The following TTN variants were observed in gnomAD, a reference collection of about 807,000 sequenced individuals.
TTN encodes the protein connectin.
In TTN, 1,525 loss-of-function variants were observed where a neutral mutation model predicts 3,223.0. That is an observed-to-expected ratio of 0.47 (90% CI 0.45 to 0.49). The LOEUF is 0.49. Among genes scored for constraint, TTN ranks in the 20% least tolerant of loss-of-function variants. TTN has a pLI of 0.00. For missense variants in TTN, 40,786 were observed against 43,424.0 expected (o/e 0.94, Z 5.40); for synonymous variants, 14,094 against 15,161.0 (o/e 0.93, Z 5.17).
Position 178,585,081 on chromosome 2 carries a change from C to A in TTN, c.64663G>T (p.Val21555Leu). The A allele has an allele frequency of 6.2e-7, 1 of 1,605,260 alleles. No individual in the cohort carries two copies. The highest frequency in any genetic ancestry group is 8.5e-7 in the Non-Finnish European group (1 of 1,175,658). The change falls in exon 309 of 363, where the codon GTA (valine) becomes TTA (leucine). Residue 21555 changes from valine to leucine, a missense_variant. Transcript: ENST00000589042. Reference sequence around the variant, plus strand: ...CTAATACTTAACTTACCCATGACTACAACTTTGATTTTCTGAGTGTCTGTC... The same window carrying A: ...CTAATACTTAACTTACCCATGACTAAAACTTTGATTTTCTGAGTGTCTGTC... The part of the protein sequence containing the change: ...SGTDTQKIKV[V>L]VMDAPGPPQP...
At position 178,783,748 on chromosome 2, in the gene TTN, A is replaced by G. The variant is rs1467953853; in HGVS notation, c.2813T>C (p.Ile938Thr). Residue 938 changes from isoleucine (I) to threonine (T), a missense_variant, in exon 17 of 363, where the codon ATT (isoleucine) becomes ACT (threonine). Ile to Thr is a moderately conservative substitution (Grantham distance 89). Transcript: ENST00000589042. ...GACCAAAGTTGGTGGAGTAACAGGA[A>G]TTTCAACAGGTGCTGGTACTCTTGC... is the stretch of plus-strand genomic sequence containing the variant. ...ETARVPAPVE[I>T]PVTPPTLVSG... 3 of 1,613,748 alleles carry G rather than the reference A, an allele frequency of 1.9e-6. No homozygotes were observed. Among genetic ancestry groups the G allele is most frequent in the Non-Finnish European group, 2.5e-6 (3 of 1,179,816 alleles).
In TTN at chr2:178,557,422, G is replaced by C. The variant is rs762015851; in HGVS notation, c.87840C>G (p.Asn29280Lys). 3 of 1,613,900 alleles carry C rather than the reference G, an allele frequency of 1.9e-6. No homozygotes were observed. The highest frequency in any genetic ancestry group is 2.7e-5 in the African/African-American group (2 of 75,040). Residue 29280 changes from asparagine (N) to lysine (K), a missense_variant, in exon 329 of 363, where the codon AAC (asparagine) becomes AAG (lysine). By Grantham distance (94) the Asn-to-Lys change is moderately conservative (BLOSUM62 0). Transcript: ENST00000589042. ...VGYHLEMKDR[N>K]SILWQKANKL... ...TGTTGGCTTTTTGCCATAAAATACT[G>C]TTTCTGTCTTTCATTTCCAGGTGAT...
chr2:178,554,991 C>T lies in TTN; in HGVS notation c.88468G>A (p.Glu29490Lys), dbSNP rs1466195239. Reference sequence around the variant, plus strand: ...ATAGATGCGAGGTCCGTGGTATTTTCAACACACACCAGTGCATTGGTTTGT... The same window carrying T: ...ATAGATGCGAGGTCCGTGGTATTTTTAACACACACCAGTGCATTGGTTTGT... ...ELQTNALVCV[E>K]NTTDLASILI... Residue 29490 changes from glutamate to lysine, a missense_variant, in exon 331 of 363, where the codon GAA becomes AAA. Transcript: ENST00000589042. The T allele has an allele frequency of 1.9e-6, 3 of 1,613,654 alleles. No individual in the cohort carries two copies. Among genetic ancestry groups the T allele is most frequent in the South Asian group, 2.2e-5 (2 of 91,068 alleles).
In TTN at chr2:178,720,217, C is replaced by T; in HGVS notation, c.23425G>A (p.Gly7809Arg). Residue 7809 changes from glycine (G) to arginine (R), a missense_variant, in exon 81 of 363, where the codon GGG (glycine) becomes AGG (arginine). By Grantham distance (125) the Gly-to-Arg change is moderately radical. Transcript: ENST00000589042. ...KKLSDTSTLI[G>R]DAVELRAIVE... ...ATGGCCCGTAACTCAACAGCATCCCCAATAAGGGTTGAGGTGTCACTTAGC... is the reference window on the plus strand; with the variant it reads ...ATGGCCCGTAACTCAACAGCATCCCTAATAAGGGTTGAGGTGTCACTTAGC... 6.2e-7 allele frequency: 1 copy of T among 1,613,644 alleles called. No individual in the cohort carries two copies. The highest frequency in any genetic ancestry group is 1.1e-5 in the South Asian group (1 of 91,046).
intron 43 of TTN, among the ~76,000 whole-genome samples, chr2:178,762,638 A>G (rs10803918): frequency 0.97 from 148,470 of 152,322 alleles, 72,488 homozygotes; most frequent in East Asian, 1. Context: ...TGTAGCTTTA[A>G]TGAACTTGCT....
In TTN at chr2:178,729,217, C is replaced by T. The variant is rs773584349; in HGVS notation, c.18869-48G>A. 23 of 1,549,818 alleles carry T rather than the reference C, an allele frequency of 1.5e-5. No individual in the cohort carries two copies. In the East Asian group the frequency reaches 3.8e-4, roughly 26 times the overall value. On this transcript the variant is annotated intron_variant, in intron 64 of 362. Coordinates refer to ENST00000589042, the MANE Select transcript of TTN (RefSeq NM_001267550.2). Reference sequence around the variant, plus strand: ...GAAAAGAAGAAACATATTGTAACTCCTACCCATAATGATAAGATTTAAAAG... The same window carrying T: ...GAAAAGAAGAAACATATTGTAACTCTTACCCATAATGATAAGATTTAAAAG...
rs866406896 is a variant in TTN, at chr2:178,785,857, T to C, written c.2361A>G (p.Ile787Met). Reference sequence around the variant, plus strand: ...GCAGGTATAGACTCACCTGTGATGATATGTGCATTCCCTTTTGATCAGTAG... The same window carrying C: ...GCAGGTATAGACTCACCTGTGATGACATGTGCATTCCCTTTTGATCAGTAG... ...IKTTDQKGMH[I>M]SSQIKKTTDL... The change falls in exon 14 of 363, where the codon ATA (isoleucine) becomes ATG (methionine). Residue 787 changes from isoleucine to methionine, a missense_variant. By Grantham distance (10) the Ile-to-Met change is conservative (BLOSUM62 1). Transcript: ENST00000589042. The C allele has an allele frequency of 6.2e-7, 1 of 1,614,122 alleles. No individual in the cohort carries two copies. Among genetic ancestry groups the C allele is most frequent in the Non-Finnish European group, 8.5e-7 (1 of 1,179,998 alleles).
At chr2:178,744,110 T>G (rs554214228) in intron 47 of TTN, among the ~76,000 whole-genome samples, 2 of 152,038 alleles carry the variant, frequency 1.3e-5, no homozygotes, top group South Asian at 4.1e-4. Flanking sequence ...CTTTTGAAAA[T>G]TAAATTTAAA....
At position 178,633,929 on chromosome 2, in the gene TTN, A is replaced by C. The variant is rs751365572; in HGVS notation, c.42570T>G (p.Ser14190=). Residue 14190 remains serine (S), a synonymous_variant, in exon 231 of 363, where the codon TCT becomes TCG. Coordinates refer to ENST00000589042, the MANE Select transcript of TTN (RefSeq NM_001267550.2). ...KLHTSRTVLI[S]SEGKTHKLEM... ...CCAATTTGTGAGTCTTGCCCTCAGA[A>C]GAGATGAGTACTGTTCTGCTTGTAT... The C allele has an allele frequency of 6.2e-7, 1 of 1,613,424 alleles. No homozygotes were observed. The highest frequency in any genetic ancestry group is 1.7e-5 in the Admixed American group (1 of 59,986).
chr2:178,753,310 CA>C (rs2086083213), intron 46 of TTN, 130 bp from the exon 47 acceptor site: 1 of 675,928 alleles, frequency 1.5e-6, no homozygotes. Context: ...CCAAATTTAC[CA>C]AAAAGTCCAT....
At chr2:178,802,051 G>A (rs2094092837) in intron 3 of TTN, 87 bp downstream of exon 3, 2 of 1,512,316 alleles carry the variant, frequency 1.3e-6, no homozygotes, top group Non-Finnish European at 1.8e-6. Flanking sequence ...ATCTACCTCT[G>A]CCCATAGCTT....
In TTN at chr2:178,636,489, A is replaced by C. The variant is rs1177814929; in HGVS notation, c.41238T>G (p.Ile13746Met). ...CACCAGCATCGGAAAGTTGAACATCAATGATGTGCAGCTTTCTGTCTTTAC... is the reference window on the plus strand; with the variant it reads ...CACCAGCATCGGAAAGTTGAACATCCATGATGTGCAGCTTTCTGTCTTTAC... ...ADGKDRKLHI[I>M]DVQLSDAGEY... Residue 13746 changes from isoleucine (I) to methionine (M), a missense_variant, in exon 225 of 363, where the codon ATT becomes ATG. Physicochemically the swap from Ile to Met is conservative, Grantham distance 10. Coordinates refer to ENST00000589042, the MANE Select transcript of TTN (RefSeq NM_001267550.2). This position sits in a 1 kb window ranked among gnomAD's most constrained non-coding sequence, Gnocchi z 4.3. 1 of 1,613,410 alleles carries C rather than the reference A, an allele frequency of 6.2e-7. No homozygotes were observed. Among genetic ancestry groups the C allele is most frequent in the South Asian group, 1.1e-5 (1 of 91,066 alleles).
At position 178,539,527 on chromosome 2, in the gene TTN, A is replaced by G; in HGVS notation, c.98538T>C (p.Ile32846=). ...GAGATGTACCTCGGACTCTGGAATCAATGGTATACCAGGCGGCTTTAGGCA... is the reference window on the plus strand; with the variant it reads ...GAGATGTACCTCGGACTCTGGAATCGATGGTATACCAGGCGGCTTTAGGCA... ...REVPKAAWYT[I]DSRVRGTSLV... Residue 32846 remains isoleucine, a synonymous_variant, in exon 352 of 363, where the codon ATT becomes ATC. Coordinates refer to ENST00000589042, the MANE Select transcript of TTN (RefSeq NM_001267550.2). The G allele has an allele frequency of 6.2e-7, 1 of 1,613,792 alleles. No individual in the cohort carries two copies.
Position 178,618,610 on chromosome 2 carries a change from T to A in TTN, c.46940A>T (p.Glu15647Val), listed in dbSNP as rs749085231. 6.2e-7 allele frequency: 1 copy of A among 1,612,206 alleles called. No homozygotes were observed. Among genetic ancestry groups the A allele is most frequent in the Non-Finnish European group, 8.5e-7 (1 of 1,179,004 alleles). ...AATAACTTTTAAATTGATGAATCCT[T>A]CTGCTTTTCCATGTTTGTTCTGAAG... ...IVLQNKHGKAEGFINLKVIDV... is the reference protein window; with the variant it reads ...IVLQNKHGKAVGFINLKVIDV... Residue 15647 changes from glutamate to valine, a missense_variant, in exon 251 of 363, where the codon GAA (glutamate) becomes GTA (valine). Physicochemically the swap from Glu to Val is moderately radical, Grantham distance 121. Transcript: ENST00000589042.
rs397517537 is a variant in TTN, at chr2:178,695,363, G to A, written c.31255C>T (p.Pro10419Ser). The A allele has an allele frequency of 6.2e-7, 1 of 1,612,098 alleles. No homozygotes were observed. Among genetic ancestry groups the A allele is most frequent in the Non-Finnish European group, 8.5e-7 (1 of 1,178,578 alleles). The change falls in exon 115 of 363, where the codon CCA becomes TCA. Residue 10419 changes from proline to serine, a missense_variant. Transcript: ENST00000589042. ...AATTACTTACCTTTAGGAGGTGGTGGTGCTTTCTTTTCAGGTACTTTGGCT... is the reference window on the plus strand; with the variant it reads ...AATTACTTACCTTTAGGAGGTGGTGATGCTTTCTTTTCAGGTACTTTGGCT... ...VPAKVPEKKAPPPPKVIKKPV... is the reference protein window; with the variant it reads ...VPAKVPEKKASPPPKVIKKPV...
Position 178,534,066 on chromosome 2 carries a change from G to T in TTN, c.102549C>A (p.Tyr34183Ter). 1 of 1,613,900 alleles carries T rather than the reference G, an allele frequency of 6.2e-7. No homozygotes were observed. The highest frequency in any genetic ancestry group is 8.5e-7 in the Non-Finnish European group (1 of 1,179,844). ...GVRQLENSEK[Y>*]EITYEDGVAI... ...CCACTCCATCTTCGTAGGTGATTTC[G>T]TATTTCTCACTGTTCTCCAGCTGTC... Residue 34183 changes from tyrosine (Y) to a stop codon, truncating the protein, a stop_gained, in exon 358 of 363, where the codon TAC (tyrosine) becomes TAA (stop). Transcript: ENST00000589042. LOFTEE classifies it high-confidence loss of function.
chr2:178,786,315 G>C (rs1465897690), intron 13 of TTN, among the ~76,000 whole-genome samples, 174 bp from the exon 14 acceptor site: 1 of 152,110 alleles, frequency 6.6e-6, no homozygotes, highest in East Asian at 1.9e-4. Context: ...ATATTGTACA[G>C]ACATCTATTT....
Position 178,782,906 on chromosome 2 carries a change from A to C in TTN, c.3000T>G (p.Leu1000=), listed in dbSNP as rs2092904970. The part of the protein sequence containing the change: ...QITFQSGIAR[L]MIREAFAEDS... Reference sequence around the variant, plus strand: ...CTTCCGCAAATGCTTCGCGAATCATAAGACGAGCAATTCCACTCTGGAAGG... The same window carrying C: ...CTTCCGCAAATGCTTCGCGAATCATCAGACGAGCAATTCCACTCTGGAAGG... The change falls in exon 18 of 363, where the codon CTT becomes CTG. Residue 1000 remains leucine, a synonymous_variant. Transcript: ENST00000589042. The C allele has an allele frequency of 6.2e-7, 1 of 1,614,038 alleles. No individual in the cohort carries two copies. The highest frequency in any genetic ancestry group is 1.1e-5 in the South Asian group (1 of 91,088).
Position 178,540,250 on chromosome 2 carries a change from A to C in TTN, c.97916T>G (p.Met32639Arg), listed in dbSNP as rs1199241360. 1 of 1,613,762 alleles carries C rather than the reference A, an allele frequency of 6.2e-7. No homozygotes were observed. Among genetic ancestry groups the C allele is most frequent in the South Asian group, 1.1e-5 (1 of 91,074 alleles). Residue 32639 changes from methionine (M) to arginine (R), a missense_variant, in exon 351 of 363, where the codon ATG (methionine) becomes AGG (arginine). Met to Arg is a moderately conservative substitution (Grantham distance 91). Coordinates refer to ENST00000589042, the MANE Select transcript of TTN (RefSeq NM_001267550.2). Reference sequence around the variant, plus strand: ...CCATTCATGTTGATCTACTTTTTGCATTTCAATCAAGTAGCCTGTGACTTT... The same window carrying C: ...CCATTCATGTTGATCTACTTTTTGCCTTTCAATCAAGTAGCCTGTGACTTT... ...GSKVTGYLIE[M>R]QKVDQHEWTK...
Sources: gnomAD v4.1 joint callset for allele counts (sites outside exome capture counted in the v4.1 genomes callset) on GRCh38, gnomAD v4.1.1 for gene constraint, Gnocchi (gnomAD v3.1) non-coding constraint, MANE v1.5 for transcripts, NCBI Gene and HGNC (gene_info 2026-07-23, HGNC 2026-07-21) for gene names.